Variants in EPHB1 observed in about 807,000 individuals in gnomAD.
The protein encoded by EPHB1 is EPH receptor B1.
A neutral mutation model predicts 94.4 loss-of-function variants in EPHB1; 30 were observed. The observed-to-expected ratio is 0.32, with a 90% CI of 0.24 to 0.43. EPHB1 has a LOEUF of 0.43. Ranked by LOEUF, EPHB1 falls within the 20% of genes least tolerant of loss-of-function variation. The pLI is 1.00. For missense variants in EPHB1, 1,055 were observed against 1,308.3 expected (o/e 0.81, Z 2.99); for synonymous variants, 522 against 489.1 (o/e 1.07, Z -0.89).
At chr3:134,846,799 G>A (rs755972767) in intron 1 of EPHB1, among the ~76,000 whole-genome samples, 9 of 152,154 alleles carry the variant, frequency 5.9e-5, no homozygotes, top group South Asian at 2.1e-4. Flanking sequence ...AGGTTGAAAC[G>A]GAAACCTCTG....
chr3:134,865,654 T>TA lies in EPHB1; in HGVS notation c.59-60148dup, dbSNP rs57411473. On this transcript the variant is annotated intron_variant, in intron 1 of 15. Transcript: ENST00000398015. ...CAATGAAATAAATCTGCAGCTGTTT[T>TA]AAAAAAAAAAAAAAGAAAGAAAGAA... 1.2e-3 allele frequency among the ~76,000 whole-genome samples: 175 copies of TA among 142,326 alleles called. 1 individual carries two copies. The highest frequency in any genetic ancestry group is 5.1e-3 in the East Asian group (25 of 4,934). The allele number at this position is 142,326 out of a possible 152,430, so 93.4% of individuals were successfully genotyped here. A position where few individuals can be genotyped will look rare whatever the true frequency, so the allele number is the denominator to read the frequency against.
At chr3:135,153,218 T>C (rs946806719) in intron 5 of EPHB1, among the ~76,000 whole-genome samples, 1 of 152,064 alleles carries the variant, frequency 6.6e-6, no homozygotes, top group Admixed American at 6.6e-5. Flanking sequence ...CATTGTAAAG[T>C]GGAGTTTGAG....
At chr3:135,060,925 C>T (rs1467897795) in intron 3 of EPHB1, among the ~76,000 whole-genome samples, 1 of 151,904 alleles carries the variant, frequency 6.6e-6, no homozygotes, top group Non-Finnish European at 1.5e-5. Flanking sequence ...TTCACCATCC[C>T]TACCTCCTCC....
chr3:135,190,433 T>C (rs1476561303), intron 10 of EPHB1, among the ~76,000 whole-genome samples: 1 of 152,228 alleles, frequency 6.6e-6, no homozygotes, highest in Non-Finnish European at 1.5e-5. Context: ...ACTTACCAAA[T>C]ATGTAATTTG....
chr3:135,086,972 A>G (rs780749974), intron 3 of EPHB1, among the ~76,000 whole-genome samples: 3 of 152,356 alleles, frequency 2.0e-5, no homozygotes, highest in East Asian at 1.9e-4. Flanking sequence ...AAGTCACTCA[A>G]CTTCTGAATT....
At chr3:135,054,750 G>A (rs936659338) in intron 3 of EPHB1, among the ~76,000 whole-genome samples, 2 of 152,066 alleles carry the variant, frequency 1.3e-5, no homozygotes, top group East Asian at 1.9e-4. Context: ...CAAATATTAC[G>A]TATTCATTCC....
In EPHB1 at chr3:135,154,457, C is replaced by A. The variant is rs939051688; in HGVS notation, c.1422+181C>A. On this transcript the variant is annotated intron_variant, in intron 6 of 15. Coordinates refer to ENST00000398015, the MANE Select transcript of EPHB1 (RefSeq NM_004441.5). ...CCCTGACAAAGCCTTGTTCAAAGCC[C>A]AGGCACTTTCTGTGCCAACTAAGGA... 18 of 765,814 alleles carry A rather than the reference C, an allele frequency of 2.4e-5. No homozygotes were observed. The East Asian group carries it at 4.9e-4, about 21-fold the overall frequency. 47.4% of individuals were successfully genotyped at this position (765,814 alleles called of 1,614,324 possible).
intron 3 of EPHB1, among the ~76,000 whole-genome samples, chr3:135,018,480 C>G (rs1443931343): frequency 6.6e-6 from 1 of 152,136 alleles, no homozygotes; most frequent in Admixed American, 6.5e-5. Flanking sequence ...CACCTTCCTC[C>G]CTTTCTCAGC....
At chr3:135,251,722 A>AGACT (rs1282982155) in intron 15 of EPHB1, among the ~76,000 whole-genome samples, 1 of 152,234 alleles carries the variant, frequency 6.6e-6, no homozygotes, top group African/African-American at 2.4e-5. Flanking sequence ...ATCCCTTGGG[A>AGACT]GACTGACTAC....
chr3:135,192,437 A>G, intron 10 of EPHB1, 139 bp from the exon 11 acceptor site: 2 of 1,045,792 alleles, frequency 1.9e-6, no homozygotes, highest in Non-Finnish European at 2.7e-6. Flanking sequence ...TATAGTTACA[A>G]TGAGAGAAGA....
chr3:135,112,228 T>C (rs1181207582), intron 4 of EPHB1, among the ~76,000 whole-genome samples: 1 of 152,106 alleles, frequency 6.6e-6, no homozygotes, highest in Non-Finnish European at 1.5e-5. Context: ...CCAGCTCACC[T>C]AGGAGGAAAT....
chr3:135,136,842 G>A (rs1940637569), intron 5 of EPHB1, among the ~76,000 whole-genome samples: 1 of 152,170 alleles, frequency 6.6e-6, no homozygotes, highest in Non-Finnish European at 1.5e-5. Flanking sequence ...GGTCTTCAGG[G>A]ATACATCCTT....
intron 13 of EPHB1, among the ~76,000 whole-genome samples, chr3:135,241,589 A>G (rs1943783708): frequency 6.6e-6 from 1 of 152,242 alleles, no homozygotes; most frequent in Non-Finnish European, 1.5e-5. Context: ...TGAATAGATC[A>G]GCCCCAAATT....
chr3:134,833,303 A>T (rs1306817883), intron 1 of EPHB1, among the ~76,000 whole-genome samples: 1 of 152,152 alleles, frequency 6.6e-6, no homozygotes, highest in Non-Finnish European at 1.5e-5. Context: ...CTCTGCTTTG[A>T]TGGGAAAGAC....
chr3:134,807,846 C>G (rs952944610), intron 1 of EPHB1, among the ~76,000 whole-genome samples: 1 of 152,146 alleles, frequency 6.6e-6, no homozygotes, highest in African/African-American at 2.4e-5. Context: ...CTAGCAAGAG[C>G]CACAGTGTGA....
intron 5 of EPHB1, among the ~76,000 whole-genome samples, chr3:135,140,048 G>T (rs1043435762): frequency 1.3e-5 from 2 of 152,070 alleles, no homozygotes; most frequent in African/African-American, 4.8e-5. Flanking sequence ...ACTCCATCTT[G>T]GTCCAGGCAC....
At chr3:135,251,943 G>A (rs564939318) in intron 15 of EPHB1, among the ~76,000 whole-genome samples, 4 of 152,256 alleles carry the variant, frequency 2.6e-5, no homozygotes, top group African/African-American at 9.6e-5. Flanking sequence ...TTGAACACTA[G>A]CTCCACCACT....
chr3:134,833,398 C>A (rs1336422114), intron 1 of EPHB1, among the ~76,000 whole-genome samples: 2 of 152,176 alleles, frequency 1.3e-5, no homozygotes, highest in Non-Finnish European at 2.9e-5. Flanking sequence ...ACAGGCCAGG[C>A]AGCACTTGGA....
At chr3:135,168,008 CT>C (rs1941698100) in intron 9 of EPHB1, among the ~76,000 whole-genome samples, 1 of 152,228 alleles carries the variant, frequency 6.6e-6, no homozygotes, top group Admixed American at 6.5e-5. Flanking sequence ...ATGGACCAGA[CT>C]GCTTCTTCTC....
Sources: allele counts gnomAD v4.1 joint callset (sites outside exome capture counted in the v4.1 genomes callset), GRCh38; gene constraint gnomAD v4.1.1; transcripts MANE v1.5; gene names NCBI Gene and HGNC (gene_info 2026-07-23, HGNC 2026-07-21).